The following ERC2 variants were observed in gnomAD, a reference collection of about 807,000 sequenced individuals.
ERC2 encodes ERC protein 2.
A neutral mutation model predicts 114.8 loss-of-function variants in ERC2; 42 were observed. The observed-to-expected ratio is 0.37, with a 90% CI of 0.29 to 0.47. The LOEUF (loss-of-function observed/expected upper bound fraction) is 0.47. ERC2 is among the 20% of genes least tolerant of loss of function. The probability of loss-of-function intolerance (pLI) is 0.99; values close to 1 mark genes in which losing one functional copy is unlikely to be tolerated. For synonymous variants in ERC2, 454 were observed against 425.5 expected (o/e 1.07, Z -0.82); for missense variants, 939 against 1,150.7 (o/e 0.82, Z 2.66).
At chr3:55,554,601 C>A (rs1470251733) in intron 17 of ERC2, among the ~76,000 whole-genome samples, 1 of 152,170 alleles carries the variant, frequency 6.6e-6, no homozygotes, top group Admixed American at 6.5e-5. Flanking sequence ...TGGCCTTTTC[C>A]TCTTCTTCAG....
At chr3:55,733,530 TTTCTCTCTCTCTCACA>T (rs1386895528) in intron 15 of ERC2, among the ~76,000 whole-genome samples, 2 of 36,992 alleles carry the variant, frequency 5.4e-5, no homozygotes, top group Admixed American at 2.2e-4. Context: ...TCTCTCATTC[TTTCTCTCTCTCTCACA>T]CACACACACA....
intron 7 of ERC2, among the ~76,000 whole-genome samples, chr3:56,053,488 A>C (rs891187783): frequency 2.6e-5 from 4 of 152,220 alleles, no homozygotes; most frequent in African/African-American, 9.6e-5. Context: ...TCAAGAACTT[A>C]GCTCAACAAC....
chr3:56,109,270 G>A (rs751756355), intron 6 of ERC2, among the ~76,000 whole-genome samples: 68 of 151,988 alleles, frequency 4.5e-4, no homozygotes, highest in Non-Finnish European at 8.7e-4. Flanking sequence ...GAGAACATGC[G>A]GTATTTGATT....
At chr3:56,105,288 G>A (rs546869076) in intron 6 of ERC2, among the ~76,000 whole-genome samples, 6 of 152,152 alleles carry the variant, frequency 3.9e-5, no homozygotes, top group Admixed American at 1.3e-4. Context: ...TATGGTCACT[G>A]GAGGGTTTTT....
chr3:56,276,863 CAT>C (rs1366584535), intron 3 of ERC2, among the ~76,000 whole-genome samples: 1 of 152,164 alleles, frequency 6.6e-6, no homozygotes, highest in African/African-American at 2.4e-5. Flanking sequence ...CACAAAATCT[CAT>C]AGTGTTCTAA....
intron 17 of ERC2, among the ~76,000 whole-genome samples, chr3:55,645,389 G>C (rs1269377320): frequency 1.3e-5 from 2 of 152,150 alleles, no homozygotes; most frequent in Non-Finnish European, 2.9e-5. Context: ...CCAAGAACCT[G>C]TCATAAGCCT....
At chr3:55,514,307 G>A (rs2052331314) in intron 17 of ERC2, among the ~76,000 whole-genome samples, 1 of 152,104 alleles carries the variant, frequency 6.6e-6, no homozygotes. Flanking sequence ...TGAGGTGGGA[G>A]GATCAACTGA....
intron 17 of ERC2, among the ~76,000 whole-genome samples, chr3:55,647,523 C>T (rs2060445922): frequency 6.6e-6 from 1 of 152,106 alleles, no homozygotes; most frequent in Admixed American, 6.5e-5. Flanking sequence ...GAAATATACC[C>T]TGGCTTTCTG....
At chr3:56,106,610 T>A (rs1272881174) in intron 6 of ERC2, among the ~76,000 whole-genome samples, 1 of 152,194 alleles carries the variant, frequency 6.6e-6, no homozygotes, top group Non-Finnish European at 1.5e-5. Context: ...TTATTTATTT[T>A]TTTAAATTTG....
At position 55,600,613 on chromosome 3, in the gene ERC2, T is replaced by C. The variant is rs756393664; in HGVS notation, c.*39+83181A>G. Among the ~76,000 whole-genome samples, 34 of 152,220 alleles carry C rather than the reference T, an allele frequency of 2.2e-4. 1 individual carries two copies. The highest frequency in any genetic ancestry group is 3.9e-4 in the Admixed American group (6 of 15,278). On this transcript the variant is annotated intron_variant, in intron 17 of 17. Transcript: ENST00000288221. ...CCCCTTTGAAAAGCCTCTTTTGACA[T>C]GTGTGCTCTTCACTGATTCCAGTAT...
chr3:56,003,004 T>A, intron 10 of ERC2: 2 of 954,530 alleles, frequency 2.1e-6, no homozygotes, highest in Admixed American at 4.6e-5. Flanking sequence ...ACTCAAATAT[T>A]TTCAAAACCT....
chr3:55,695,037 A>G (rs1258060636), intron 16 of ERC2, among the ~76,000 whole-genome samples: 1 of 152,228 alleles, frequency 6.6e-6, no homozygotes, highest in Non-Finnish European at 1.5e-5. Context: ...AAAGGAAAGT[A>G]GAAAGACTTG....
intron 12 of ERC2, among the ~76,000 whole-genome samples, chr3:55,973,381 G>A (rs1019848145): frequency 6.6e-6 from 1 of 152,204 alleles, no homozygotes; most frequent in Non-Finnish European, 1.5e-5. Context: ...ATAGAGTAGT[G>A]GGAGGATGAG....
chr3:55,511,940 C>T (rs1029953042), intron 17 of ERC2, among the ~76,000 whole-genome samples: 2 of 152,208 alleles, frequency 1.3e-5, no homozygotes, highest in Admixed American at 6.5e-5. Flanking sequence ...CAGATGAGGA[C>T]TTTCTTCCCT....
intron 14 of ERC2, among the ~76,000 whole-genome samples, chr3:55,770,792 C>G (rs1269148807): frequency 6.6e-6 from 1 of 151,984 alleles, no homozygotes; most frequent in Non-Finnish European, 1.5e-5. Flanking sequence ...GCTCTCCCTC[C>G]CCTTGCCCCC....
At chr3:56,070,068 T>C (rs1337282800) in intron 7 of ERC2, among the ~76,000 whole-genome samples, 2 of 152,224 alleles carry the variant, frequency 1.3e-5, no homozygotes, top group Non-Finnish European at 2.9e-5. Flanking sequence ...ACAGGTATTA[T>C]AGACATTTTG....
intron 17 of ERC2, among the ~76,000 whole-genome samples, chr3:55,552,649 AAAG>A (rs2055296216): frequency 6.6e-6 from 1 of 151,934 alleles, no homozygotes; most frequent in Non-Finnish European, 1.5e-5. Context: ...GAAAAAAAAA[AAAG>A]GAGAAAAGAA....
intron 5 of ERC2, among the ~76,000 whole-genome samples, chr3:56,147,982 G>A (rs1299792182): frequency 1.3e-5 from 2 of 151,990 alleles, no homozygotes; most frequent in African/African-American, 4.8e-5. Context: ...TAAACTAATA[G>A]AGCAGGTTAC....
At chr3:55,533,666 T>C (rs563234060) in intron 17 of ERC2, among the ~76,000 whole-genome samples, 1 of 151,974 alleles carries the variant, frequency 6.6e-6, no homozygotes, top group Non-Finnish European at 1.5e-5. Flanking sequence ...CTGGGGCTGG[T>C]GTGGAGAGAT....
Sources: allele counts gnomAD v4.1 joint callset (sites outside exome capture counted in the v4.1 genomes callset), GRCh38; gene constraint gnomAD v4.1.1; transcripts MANE v1.5; gene names NCBI Gene and HGNC (gene_info 2026-07-23, HGNC 2026-07-21).